The following MAGI2 variants were observed in gnomAD, a reference collection of about 807,000 sequenced individuals.
MAGI2 encodes the protein membrane associated guanylate kinase, WW and PDZ domain containing 2.
A neutral mutation model predicts 133.3 loss-of-function variants in MAGI2; 35 were observed. The observed-to-expected ratio is 0.26, with a 90% CI of 0.20 to 0.35. MAGI2 has a LOEUF of 0.35. MAGI2 is among the 10% of genes least tolerant of loss of function. The pLI is 1.00. For missense variants in MAGI2, 1,636 were observed against 1,863.4 expected, an observed-to-expected ratio of 0.88 and a Z score of 2.25; for synonymous variants, 729 against 710.6, an observed-to-expected ratio of 1.03 and a Z score of -0.41.
intron 16 of MAGI2, among the ~76,000 whole-genome samples, chr7:78,154,956 C>T (rs555714346): frequency 6.6e-6 from 1 of 152,296 alleles, no homozygotes; most frequent in East Asian, 1.9e-4. Context: ...CTACCTGAGT[C>T]TTCTCTAACC....
intron 6 of MAGI2, chr7:78,484,010 G>C (rs1792706034): frequency 6.6e-6 from 1 of 151,788 alleles, no homozygotes; most frequent in African/African-American, 2.4e-5. Flanking sequence ...AATTAATTTG[G>C]TCATACTTAA....
intron 6 of MAGI2, among the ~76,000 whole-genome samples, chr7:78,489,054 TG>T (rs1474849964): frequency 2.6e-5 from 4 of 152,054 alleles, no homozygotes; most frequent in African/African-American, 9.7e-5. Flanking sequence ...TTAGCTAAAC[TG>T]TAAGTGCTCC....
intron 7 of MAGI2, among the ~76,000 whole-genome samples, chr7:78,347,855 G>C (rs1791076441): frequency 6.6e-6 from 1 of 152,162 alleles, no homozygotes; most frequent in South Asian, 2.1e-4. Context: ...TGTTCACCAA[G>C]GCCTTGTGCA....
chr7:78,570,607 C>T (rs79082224), intron 3 of MAGI2, among the ~76,000 whole-genome samples: 2,410 of 151,902 alleles, frequency 0.016, 47 homozygotes, highest in East Asian at 0.087. Context: ...TGATAAAAAC[C>T]TTTTTTTTCC....
At position 79,453,332 on chromosome 7, in the gene MAGI2, G is replaced by A. The variant is rs370541638; in HGVS notation, c.-12C>T. 3.7e-4 allele frequency: 587 copies of A among 1,595,744 alleles called. 3 individuals carry two copies. The highest frequency in any genetic ancestry group is 3.4e-3 in the South Asian group (301 of 88,890). Reference sequence around the variant, plus strand: ...AAGCTTTTGGACATGGCAGTGGGGCGAGTCGCCTCAGTTCCTGGGCTCCTT... The same window carrying A: ...AAGCTTTTGGACATGGCAGTGGGGCAAGTCGCCTCAGTTCCTGGGCTCCTT... On this transcript the variant is annotated 5_prime_UTR_variant, in exon 1 of 22. Coordinates refer to ENST00000354212, the MANE Select transcript of MAGI2 (RefSeq NM_012301.4).
At chr7:78,173,636 C>T (rs1826319236) in intron 14 of MAGI2, among the ~76,000 whole-genome samples, 1 of 152,100 alleles carries the variant, frequency 6.6e-6, no homozygotes, top group African/African-American at 2.4e-5. Context: ...GAGAAAGGAC[C>T]TGATAATCTT....
In MAGI2 at chr7:78,019,613, G is replaced by T; in HGVS notation, c.4070C>A (p.Ala1357Glu). The stretch of plus-strand genomic sequence containing the variant: ...CCCGCCCGCCCGCGCCGCGTCCGCC[G>T]CGTCTGCCGCCGCGAGCCCGGGCGC... The part of the protein sequence containing the change: ...ARAPGLAAAD[A>E]ADAARAGGKE... The change falls in exon 22 of 22, where the codon GCG becomes GAG. Residue 1357 changes from alanine (A) to glutamate (E), a missense_variant. Ala to Glu is a moderately radical substitution (Grantham distance 107). Around this residue, in one of 5 missense-constraint regions of MAGI2, gnomAD observed 354 missense variants for 298.7 expected, o/e 1.19. Coordinates refer to ENST00000354212, the MANE Select transcript of MAGI2 (RefSeq NM_012301.4). 1 of 984,648 alleles carries T rather than the reference G, an allele frequency of 1.0e-6. No individual in the cohort carries two copies. The highest frequency in any genetic ancestry group is 1.2e-6 in the Non-Finnish European group (1 of 831,248). 61.0% of individuals were successfully genotyped at this position (984,648 alleles called of 1,614,324 possible). A position where few individuals can be genotyped will look rare whatever the true frequency, so the allele number is the denominator to read the frequency against.
intron 20 of MAGI2, 124 bp downstream of exon 20, chr7:78,125,570 A>T: frequency 1.1e-6 from 1 of 897,642 alleles, no homozygotes; most frequent in Non-Finnish European, 1.6e-6. Context: ...CTGGGTCATC[A>T]TCAACTAGAA....
intron 2 of MAGI2, among the ~76,000 whole-genome samples, chr7:78,954,997 A>G (rs1802174095): frequency 6.6e-6 from 1 of 152,136 alleles, no homozygotes; most frequent in Non-Finnish European, 1.5e-5. Context: ...AATAACAAAA[A>G]TAATATTGTA....
chr7:78,306,165 G>T (rs189208054), intron 9 of MAGI2, among the ~76,000 whole-genome samples: 1 of 152,276 alleles, frequency 6.6e-6, no homozygotes, highest in Non-Finnish European at 1.5e-5. Context: ...GACTTGAAAG[G>T]CTTCTTCTTA....
intron 2 of MAGI2, among the ~76,000 whole-genome samples, chr7:78,774,461 C>G (rs562378504): frequency 6.6e-6 from 1 of 152,204 alleles, no homozygotes; most frequent in Non-Finnish European, 1.5e-5. Context: ...TCTTCTCTCT[C>G]TCAGTGGCTG....
At chr7:78,171,317 A>T (rs1371553924) in intron 14 of MAGI2, among the ~76,000 whole-genome samples, 4 of 152,206 alleles carry the variant, frequency 2.6e-5, no homozygotes, top group African/African-American at 9.6e-5. Flanking sequence ...AGCTTTTGCG[A>T]ACATGCTTCA....
intron 4 of MAGI2, among the ~76,000 whole-genome samples, chr7:78,517,897 G>A (rs552848724): frequency 6.6e-6 from 1 of 151,980 alleles, no homozygotes; most frequent in South Asian, 2.1e-4. Context: ...AGAACTTCCT[G>A]GAGAACTTAT....
At chr7:79,225,146 T>A (rs1247466615) in intron 1 of MAGI2, among the ~76,000 whole-genome samples, 3 of 152,234 alleles carry the variant, frequency 2.0e-5, no homozygotes, top group Non-Finnish European at 4.4e-5. Flanking sequence ...TGCTAGGCTG[T>A]GGGCTTCTCC....
intron 2 of MAGI2, among the ~76,000 whole-genome samples, chr7:78,932,665 C>T (rs1362835581): frequency 6.6e-6 from 1 of 151,960 alleles, no homozygotes; most frequent in Non-Finnish European, 1.5e-5. Flanking sequence ...TTGAAGGAAA[C>T]TATGAATGTT....
intron 17 of MAGI2, chr7:78,134,690 T>C (rs376319100): frequency 2.0e-4 from 41 of 201,108 alleles, no homozygotes; most frequent in African/African-American, 9.2e-4. Context: ...CTCTGTCACC[T>C]CTGTTGAATG....
intron 2 of MAGI2, among the ~76,000 whole-genome samples, chr7:78,820,434 T>C (rs768150766): frequency 3.9e-5 from 6 of 151,956 alleles, no homozygotes; most frequent in Non-Finnish European, 5.9e-5. Context: ...CGGAGAGACA[T>C]AGTCATAAAT....
intron 1 of MAGI2, among the ~76,000 whole-genome samples, chr7:79,449,162 T>G (rs1174154542): frequency 1.3e-5 from 2 of 152,124 alleles, no homozygotes; most frequent in Non-Finnish European, 2.9e-5. Context: ...CAAAGGAGTA[T>G]AGAGATCTGA....
At chr7:78,057,521 G>T (rs6958027) in intron 21 of MAGI2, among the ~76,000 whole-genome samples, 78,006 of 151,436 alleles carry the variant, frequency 0.52, 20,718 homozygotes, top group African/African-American at 0.66. Flanking sequence ...GTGTGTGTTT[G>T]TTTAAATAGT....
Sources: gnomAD v4.1 joint callset for allele counts (sites outside exome capture counted in the v4.1 genomes callset) on GRCh38, gnomAD v4.1.1 for gene constraint, gnomAD v4.1.1 regional missense constraint, MANE v1.5 for transcripts, NCBI Gene and HGNC (gene_info 2026-07-23, HGNC 2026-07-21) for gene names.